Variants in ASB11 observed in about 807,000 individuals in gnomAD.
ASB11 encodes the protein ankyrin repeat and SOCS box protein 11.
Under a neutral mutation model 20.1 loss-of-function variants are expected in ASB11, and 17 were observed. The observed-to-expected ratio is 0.85, with a 90% CI of 0.58 to 1.27. The LOEUF (loss-of-function observed/expected upper bound fraction) is 1.27. ASB11 is among the 50% of genes most tolerant of loss of function. ASB11 has a pLI of 0.00. For synonymous variants in ASB11, 107 were observed against 105.6 expected (o/e 1.01, Z -0.08); for missense variants, 259 against 256.9 (o/e 1.01, Z -0.06).
intron 6 of ASB11, among the ~76,000 whole-genome samples, chrX:15,284,144 C>G (rs186120512): frequency 9.7e-6 from 1 of 103,420 alleles, no homozygotes; most frequent in Non-Finnish European, 1.9e-5. Context: ...CCCAGCTACT[C>G]GGGAGGCTGA....
intron 1 of ASB11, among the ~76,000 whole-genome samples, chrX:15,308,049 C>T (rs1157455676): frequency 8.9e-6 from 1 of 111,754 alleles, no homozygotes; most frequent in East Asian, 2.8e-4. Context: ...CTTCCCACCT[C>T]CTTCTTCTAG....
chrX:15,290,354 G>A (rs914656533), intron 4 of ASB11, among the ~76,000 whole-genome samples: 4 of 111,861 alleles, frequency 3.6e-5, no homozygotes, highest in East Asian at 5.6e-4. Context: ...GAACCCTGTC[G>A]CCTCTCCATT....
chrX:15,302,584 G>A, intron 2 of ASB11, 144 bp downstream of exon 2: 1 of 483,256 alleles, frequency 2.1e-6, no homozygotes, highest in Non-Finnish European at 3.5e-6. Context: ...GAGAGGCAGT[G>A]AGGTATGAGA....
intron 3 of ASB11, among the ~76,000 whole-genome samples, chrX:15,296,766 G>C (rs1231865336): frequency 8.9e-6 from 1 of 112,003 alleles, no homozygotes; most frequent in Non-Finnish European, 1.9e-5. Flanking sequence ...TACAGTGTTA[G>C]TGGGATTATA....
intron 6 of ASB11, among the ~76,000 whole-genome samples, chrX:15,284,267 A>AAGAAAG (rs1555938405): frequency 1.1e-5 from 1 of 88,846 alleles, no homozygotes; most frequent in African/African-American, 4.2e-5. Flanking sequence ...AAAAAAAAAA[A>AAGAAAG]AAAGAAAGAA....
Position 15,283,471 on chromosome X carries a change from G to A in ASB11, c.*34C>T, listed in dbSNP as rs1462286377. ...CTAGGTACAGCAGACAACAATCTGTGTCATTCCAAGTATCTTCCCAGGAAC... is the reference window on the plus strand; with the variant it reads ...CTAGGTACAGCAGACAACAATCTGTATCATTCCAAGTATCTTCCCAGGAAC... On this transcript the variant is annotated 3_prime_UTR_variant, in exon 7 of 7. Transcript: ENST00000480796. The A allele has an allele frequency of 1.4e-5, 17 of 1,206,634 alleles. No homozygotes were observed. The highest frequency in any genetic ancestry group is 1.9e-5 in the Non-Finnish European group (17 of 891,198).
At chrX:15,300,522 A>G (rs149519656) in intron 2 of ASB11, among the ~76,000 whole-genome samples, 245 of 112,535 alleles carry the variant, frequency 2.2e-3, no homozygotes, top group African/African-American at 7.5e-3. Flanking sequence ...TGTAAAAGAA[A>G]AAGTTGAACT....
intron 1 of ASB11, among the ~76,000 whole-genome samples, chrX:15,309,061 C>T (rs1381250788): frequency 9.0e-6 from 1 of 111,333 alleles, no homozygotes; most frequent in Non-Finnish European, 1.9e-5. Context: ...GGACTACAGA[C>T]ACACATCACC....
intron 1 of ASB11, chrX:15,314,504 G>A: frequency 8.4e-7 from 1 of 1,188,491 alleles, no homozygotes; most frequent in Non-Finnish European, 1.1e-6. Flanking sequence ...CTTCGTCCTT[G>A]GAGGTCTTAT....
intron 2 of ASB11, among the ~76,000 whole-genome samples, chrX:15,300,094 TTTC>T (rs746210671): frequency 2.3e-4 from 26 of 112,959 alleles, no homozygotes; most frequent in Non-Finnish European, 3.7e-4. Flanking sequence ...TCTTTTCATT[TTTC>T]TTTTCCTTTT....
Position 15,302,791 on chromosome X carries a change from T to C in ASB11, c.198A>G (p.Arg66=), listed in dbSNP as rs976667377. The change falls in exon 2 of 7, where the codon CGA becomes CGG. Residue 66 remains arginine (R), a synonymous_variant. Coordinates refer to ENST00000480796, the MANE Select transcript of ASB11 (RefSeq NM_080873.3). ...YGGISDCWAD[R]SPLHEAAAQG... The stretch of plus-strand genomic sequence containing the variant: ...GAGCTGCAGCTTCATGAAGTGGGGA[T>C]CGATCAGCCCAGCAATCTGAAACAC... The C allele has an allele frequency of 7.4e-6, 9 of 1,210,618 alleles. No individual in the cohort carries two copies. Among genetic ancestry groups the C allele is most frequent in the African/African-American group, 1.7e-5 (1 of 57,728 alleles).
In ASB11 at chrX:15,315,570, G is replaced by A. The variant is rs766515072; in HGVS notation, c.36C>T (p.Asn12=). The A allele has an allele frequency of 8.4e-7, 1 of 1,187,663 alleles. No individual in the cohort carries two copies. Among genetic ancestry groups the A allele is most frequent in the Non-Finnish European group, 1.1e-6 (1 of 885,871 alleles). Reference sequence around the variant, plus strand: ...ACGTAGCAAACATTGTAATAAAAATGTTTTTAAAGCCATAGAAAACAGGAC... The same window carrying A: ...ACGTAGCAAACATTGTAATAAAAATATTTTTAAAGCCATAGAAAACAGGAC... ...EDGPVFYGFK[N]IFITMFATFF... Residue 12 remains asparagine, a synonymous_variant, in exon 1 of 7, where the codon AAC becomes AAT. Coordinates refer to ENST00000480796, the MANE Select transcript of ASB11 (RefSeq NM_080873.3).
chrX:15,306,519 A>G lies in ASB11; in HGVS notation c.182-3712T>C, dbSNP rs747432610. ...TCAGGAGTTTGAAACCAGCCTGGCC[A>G]ACATGAAACCCCATCTCTACTAAAA... On this transcript the variant is annotated intron_variant, in intron 1 of 6. Coordinates refer to ENST00000480796, the MANE Select transcript of ASB11 (RefSeq NM_080873.3). Among the ~76,000 whole-genome samples, 3 of 110,498 alleles carry G rather than the reference A, an allele frequency of 2.7e-5. No individual in the cohort carries two copies. In the East Asian group the frequency reaches 8.5e-4, roughly 31 times the overall value.
In ASB11 at chrX:15,303,382, G is replaced by A. The variant is rs751843011; in HGVS notation, c.182-575C>T. On this transcript the variant is annotated intron_variant, in intron 1 of 6. Transcript: ENST00000480796. Reference sequence around the variant, plus strand: ...CACAAAAAAATCTCGTAAGTTTTACGAAAATTTATGAATTTGTGTTGGGCC... The same window carrying A: ...CACAAAAAAATCTCGTAAGTTTTACAAAAATTTATGAATTTGTGTTGGGCC... 3.6e-5 allele frequency among the ~76,000 whole-genome samples: 4 copies of A among 111,856 alleles called. No homozygotes were observed. The South Asian group carries it at 1.5e-3, about 42-fold the overall frequency.
rs190873766 is a variant in ASB11 at position 15,309,469 on chromosome X, T to A, written c.181+5956A>T. On this transcript the variant is annotated intron_variant, in intron 1 of 6. Coordinates refer to ENST00000480796, the MANE Select transcript of ASB11 (RefSeq NM_080873.3). ...AGATTCTACATTATGGTGAGTTGTA[T>A]AATTATTTGATTATATATTACAATG... 1.9e-3 allele frequency among the ~76,000 whole-genome samples: 213 copies of A among 110,014 alleles called. 1 individual carries two copies. The highest frequency in any genetic ancestry group is 7.0e-3 in the African/African-American group (211 of 30,264).
At chrX:15,299,173 G>T (rs1177619267) in intron 2 of ASB11, among the ~76,000 whole-genome samples, 1 of 112,381 alleles carries the variant, frequency 8.9e-6, no homozygotes, top group African/African-American at 3.2e-5. Context: ...TATTTGAAGA[G>T]ATTTATTCTG....
chrX:15,283,711 C>A, intron 6 of ASB11, 82 bp from the exon 7 acceptor site: 3 of 1,084,359 alleles, frequency 2.8e-6, no homozygotes, highest in African/African-American at 1.8e-5. Flanking sequence ...CTGGAAGAGG[C>A]GGAAATTTTC....
At chrX:15,283,650 G>C (rs747124555) in intron 6 of ASB11, 21 bp from the exon 7 acceptor site, 1 of 1,202,606 alleles carries the variant, frequency 8.3e-7, no homozygotes, top group Admixed American at 2.2e-5. Flanking sequence ...AATAAAAATG[G>C]TGTTAACTTC....
intron 4 of ASB11, among the ~76,000 whole-genome samples, 172 bp from the exon 5 acceptor site, chrX:15,289,810 G>A (rs1320307569): frequency 9.0e-6 from 1 of 111,428 alleles, no homozygotes; most frequent in Non-Finnish European, 1.9e-5. Context: ...GATTCCCTGA[G>A]GTCAGGAGTT....
Sources: gnomAD v4.1 joint callset for allele counts (sites outside exome capture counted in the v4.1 genomes callset) on GRCh38, gnomAD v4.1.1 for gene constraint, MANE v1.5 for transcripts, NCBI Gene and HGNC (gene_info 2026-07-23, HGNC 2026-07-21) for gene names.